The following HECW1 variants were observed in gnomAD, a reference collection of about 807,000 sequenced individuals.
HECW1 encodes E3 ubiquitin-protein ligase HECW1.
Under a neutral mutation model 182.3 loss-of-function variants are expected in HECW1, and 61 were observed. The observed-to-expected ratio is 0.33, with a 90% CI of 0.27 to 0.41. HECW1 has a LOEUF of 0.41. HECW1 is among the 10% of genes least tolerant of loss of function. The pLI, the probability that HECW1 is intolerant of heterozygous loss-of-function variation, is 1.00. For synonymous variants in HECW1, 859 were observed against 832.6 expected (o/e 1.03, Z -0.55); for missense variants, 1,739 against 2,108.9 (o/e 0.82, Z 3.44).
chr7:43,242,098 C>G (rs180709253), intron 2 of HECW1, among the ~76,000 whole-genome samples: 1 of 152,236 alleles, frequency 6.6e-6, no homozygotes, highest in Admixed American at 6.5e-5. Flanking sequence ...AGGACCAGAT[C>G]CACTTTGCAT....
rs71562088 is a variant in HECW1, at chr7:43,331,592, C to CAA, written c.460+10863_460+10864dup. Among the ~76,000 whole-genome samples, 361 of 123,786 alleles carry CAA rather than the reference C, an allele frequency of 2.9e-3. 2 individuals are homozygous for CAA. Among genetic ancestry groups the CAA allele is most frequent in the Non-Finnish European group, 2.6e-3 (153 of 59,416 alleles). 81.2% of individuals were successfully genotyped at this position (123,786 alleles called of 152,430 possible). A position where few individuals can be genotyped will look rare whatever the true frequency, so the allele number is the denominator to read the frequency against. ...TGGGCGACAGAGCAAGACTCTGTCT[C>CAA]AAAAAAAAAAAAAAGATCAGGGTGA... On this transcript the variant is annotated intron_variant, in intron 5 of 29. Coordinates refer to ENST00000395891, the MANE Select transcript of HECW1 (RefSeq NM_015052.5).
chr7:43,359,406 G>C (rs376552794), intron 5 of HECW1, among the ~76,000 whole-genome samples: 4 of 152,276 alleles, frequency 2.6e-5, no homozygotes, highest in South Asian at 2.1e-4. Context: ...GTCCTAGGGA[G>C]AAAATTTGAA....
chr7:43,149,065 A>G (rs142156291), intron 2 of HECW1, among the ~76,000 whole-genome samples: 30 of 152,318 alleles, frequency 2.0e-4, no homozygotes, highest in Admixed American at 4.6e-4. Context: ...ATTGTGGCAA[A>G]TAAAATCCAC....
rs554856117 is a variant in HECW1, at chr7:43,131,909, A to G, written c.-32+17518A>G. Among the ~76,000 whole-genome samples, 26 of 152,274 alleles carry G rather than the reference A, an allele frequency of 1.7e-4. No homozygotes were observed. The South Asian group carries it at 1.9e-3, about 11-fold the overall frequency. The stretch of plus-strand genomic sequence containing the variant: ...TCCTTCTGTCTCCTCCTGCTGTCTT[A>G]TGACCGAGGATTGAAAGCTGCATGC... On this transcript the variant is annotated intron_variant, in intron 2 of 29. Transcript: ENST00000395891.
intron 2 of HECW1, among the ~76,000 whole-genome samples, chr7:43,135,581 G>A (rs2152626244): frequency 6.6e-6 from 1 of 152,274 alleles, no homozygotes; most frequent in African/African-American, 2.4e-5. Context: ...TTTGGTCAAT[G>A]TCTGAACAAA....
rs531733998 is a variant in HECW1, at chr7:43,444,355, C to A, written c.1183C>A (p.Gln395Lys). The change falls in exon 11 of 30, where the codon CAG becomes AAG. Residue 395 changes from glutamine (Q) to lysine (K), a missense_variant. Transcript: ENST00000395891. This position sits in a 1 kb window ranked among gnomAD's most constrained non-coding sequence, Gnocchi z 4.3. ...PESSESWKPEQLGEGSVPDGP... is the reference protein window; with the variant it reads ...PESSESWKPEKLGEGSVPDGP... ...GTCCTCTGAGAGCTGGAAGCCAGAG[C>A]AGCTGGGTGAGGGCAGTGTCCCCGA... 9 of 1,614,140 alleles carry A rather than the reference C, an allele frequency of 5.6e-6. No individual in the cohort carries two copies. The highest frequency in any genetic ancestry group is 7.6e-6 in the Non-Finnish European group (9 of 1,180,020).
At chr7:43,215,267 G>A (rs1796340520) in intron 2 of HECW1, among the ~76,000 whole-genome samples, 1 of 152,246 alleles carries the variant, frequency 6.6e-6, no homozygotes, top group Non-Finnish European at 1.5e-5. Context: ...TTTAGCTGCT[G>A]CACCTTGCAA....
At chr7:43,559,457 G>C (rs1201710874) in intron 29 of HECW1, among the ~76,000 whole-genome samples, 2 of 152,148 alleles carry the variant, frequency 1.3e-5, no homozygotes, top group Non-Finnish European at 2.9e-5. Context: ...ATTATTAAGA[G>C]AATCTTATGT....
At chr7:43,487,836 A>G (rs965081282) in intron 17 of HECW1, among the ~76,000 whole-genome samples, 5 of 152,010 alleles carry the variant, frequency 3.3e-5, no homozygotes, top group South Asian at 2.1e-4. Context: ...ATGTGTGCCT[A>G]TAGTCCCTGC....
rs545213183 is a variant in HECW1, at chr7:43,512,556, TTA to T, written c.4019+3439_4019+3440del. 7.2e-5 allele frequency among the ~76,000 whole-genome samples: 11 copies of T among 152,358 alleles called. No individual in the cohort carries two copies. In the South Asian group the frequency reaches 2.3e-3, roughly 32 times the overall value. ...CTATTTTGTACTGCTGAGCATAATT[TTA>T]TATGTTATCATAATCATTAATAAAA... On this transcript the variant is annotated intron_variant, in intron 24 of 29. Coordinates refer to ENST00000395891, the MANE Select transcript of HECW1 (RefSeq NM_015052.5).
intron 3 of HECW1, among the ~76,000 whole-genome samples, chr7:43,287,980 T>C (rs1350442444): frequency 6.6e-6 from 1 of 152,128 alleles, no homozygotes; most frequent in Non-Finnish European, 1.5e-5. Flanking sequence ...AAGAACTTGT[T>C]TTTGGAGGTG....
intron 24 of HECW1, among the ~76,000 whole-genome samples, chr7:43,518,551 AC>A (rs2080280231): frequency 6.6e-6 from 1 of 152,110 alleles, no homozygotes; most frequent in Admixed American, 6.5e-5. Flanking sequence ...TGACAAAAAT[AC>A]CATAAACAAG....
At chr7:43,340,242 A>ATGTCTGATTG (rs1812796137) in intron 5 of HECW1, among the ~76,000 whole-genome samples, 1 of 113,364 alleles carries the variant, frequency 8.8e-6, no homozygotes, top group African/African-American at 3.5e-5. Context: ...TTTTTCTAAG[A>ATGTCTGATTG]CGGAGTATCG....
intron 2 of HECW1, among the ~76,000 whole-genome samples, chr7:43,224,667 A>AAGTT (rs10647655): frequency 0.58 from 87,908 of 151,452 alleles, 26,145 homozygotes; most frequent in African/African-American, 0.69. Flanking sequence ...AGAAAATAAA[A>AAGTT]AGCCGGCCAT....
At chr7:43,156,863 G>A (rs1288041328) in intron 2 of HECW1, among the ~76,000 whole-genome samples, 1 of 152,214 alleles carries the variant, frequency 6.6e-6, no homozygotes, top group Non-Finnish European at 1.5e-5. Flanking sequence ...GAAAGCATGG[G>A]TCAAGCTGAA....
rs1423806458 is a variant in HECW1, at chr7:43,565,377, C to T, written c.*3451C>T. 1 of 205,588 alleles carries T rather than the reference C, an allele frequency of 4.9e-6. No individual in the cohort carries two copies. The highest frequency in any genetic ancestry group is 7.3e-5 in the East Asian group (1 of 13,624). The allele number at this position is 205,588 out of a possible 1,614,324, so 12.7% of individuals were successfully genotyped here. Reference sequence around the variant, plus strand: ...CAGTAAGTATATTTGTGTGGCAAGCCAATGGCTGAGTTTTCCAGGGTAGTT... The same window carrying T: ...CAGTAAGTATATTTGTGTGGCAAGCTAATGGCTGAGTTTTCCAGGGTAGTT... On this transcript the variant is annotated 3_prime_UTR_variant, in exon 30 of 30. Transcript: ENST00000395891.
intron 24 of HECW1, among the ~76,000 whole-genome samples, chr7:43,538,580 CT>C (rs1353776401): frequency 4.6e-5 from 7 of 152,210 alleles, no homozygotes; most frequent in Non-Finnish European, 1.0e-4. Context: ...TCGCTCACAT[CT>C]CAAAATAGAC....
At chr7:43,442,799 GT>G (rs1455532096) in intron 10 of HECW1, among the ~76,000 whole-genome samples, 170 bp downstream of exon 10, 5 of 152,210 alleles carry the variant, frequency 3.3e-5, no homozygotes, top group Non-Finnish European at 7.3e-5. Flanking sequence ...CCAGGTTGCT[GT>G]CCCCCTGATA....
At chr7:43,265,463 TC>T (rs1390935897) in intron 3 of HECW1, among the ~76,000 whole-genome samples, 6 of 152,144 alleles carry the variant, frequency 3.9e-5, no homozygotes, top group Non-Finnish European at 7.3e-5. Flanking sequence ...AGCTATAATA[TC>T]AGATAACATA....
Sources: gnomAD v4.1 joint callset for allele counts (sites outside exome capture counted in the v4.1 genomes callset) on GRCh38, gnomAD v4.1.1 for gene constraint, Gnocchi (gnomAD v3.1) non-coding constraint, MANE v1.5 for transcripts, NCBI Gene and HGNC (gene_info 2026-07-23, HGNC 2026-07-21) for gene names.